The following NRXN1 variants were observed in gnomAD, a reference collection of about 807,000 sequenced individuals.
NRXN1 encodes the protein neurexin 1, also known as neurexin-1.
NRXN1 carries 39 observed loss-of-function variants against 150.9 expected under a neutral mutation model. The ratio of observed to expected loss-of-function variants is 0.26; its 90% confidence interval spans 0.20 to 0.34. NRXN1 has a LOEUF of 0.34. NRXN1 is among the 10% of genes least tolerant of loss of function. The pLI is 1.00. For synonymous variants in NRXN1, 924 were observed against 757.0 expected, an observed-to-expected ratio of 1.22 and a Z score of -3.62; for missense variants, 1,815 against 1,949.9, an observed-to-expected ratio of 0.93 and a Z score of 1.30.
chr2:50,978,266 T>TTATATA (rs1237092456), intron 2 of NRXN1, among the ~76,000 whole-genome samples: 2 of 33,912 alleles, frequency 5.9e-5, no homozygotes, highest in African/African-American at 8.5e-5. Context: ...AATATGGATA[T>TTATATA]TATACATATA....
chr2:50,495,380 GGTGTGTGT>G (rs1157611088), intron 15 of NRXN1, among the ~76,000 whole-genome samples: 8 of 17,784 alleles, frequency 4.5e-4, no homozygotes, highest in East Asian at 7.5e-4. Context: ...GTGTGTGTGT[GGTGTGTGT>G]GTGTGTGTGT....
At chr2:50,689,950 G>A (rs193185333) in intron 5 of NRXN1, among the ~76,000 whole-genome samples, 4 of 150,682 alleles carry the variant, frequency 2.7e-5, no homozygotes, top group African/African-American at 9.8e-5. Context: ...GCAATGGTGC[G>A]ATCTCGGCTC....
At chr2:50,998,565 C>T (rs1349217584) in intron 2 of NRXN1, among the ~76,000 whole-genome samples, 3 of 151,986 alleles carry the variant, frequency 2.0e-5, no homozygotes, top group Admixed American at 6.6e-5. Context: ...GTGGACACAA[C>T]ATACAGAAAT....
chr2:51,029,375 A>G (rs1053039397), intron 1 of NRXN1, among the ~76,000 whole-genome samples, 181 bp from the exon 2 acceptor site: 4 of 152,214 alleles, frequency 2.6e-5, no homozygotes, highest in African/African-American at 7.2e-5. Context: ...AATAGTTAAT[A>G]TGACACTTTT....
rs528149206 is a variant in NRXN1, at chr2:50,999,556, A to T, written c.772+27946T>A. Among the ~76,000 whole-genome samples the T allele has an allele frequency of 6.6e-5, 10 of 152,096 alleles. No homozygotes were observed. In the South Asian group the frequency reaches 2.1e-3, roughly 32 times the overall value. The stretch of plus-strand genomic sequence containing the variant: ...CATGTGATGTCTCCCCCAGGCACCC[A>T]GCTTTAAAATTTCTCTCTTTTGTAC... On this transcript the variant is annotated intron_variant, in intron 2 of 22. Coordinates refer to ENST00000401669, the MANE Select transcript of NRXN1 (RefSeq NM_001330078.2).
At chr2:50,727,191 T>G (rs995529649) in intron 5 of NRXN1, among the ~76,000 whole-genome samples, 2 of 152,182 alleles carry the variant, frequency 1.3e-5, no homozygotes, top group Non-Finnish European at 2.9e-5. Flanking sequence ...TAAAGAGATA[T>G]AATTCCTTAT....
At chr2:50,382,767 G>C (rs1179328237) in intron 17 of NRXN1, among the ~76,000 whole-genome samples, 1 of 152,154 alleles carries the variant, frequency 6.6e-6, no homozygotes, top group East Asian at 1.9e-4. Context: ...AGATTAGCGA[G>C]TGGGAAGACA....
intron 17 of NRXN1, among the ~76,000 whole-genome samples, chr2:50,239,684 A>G (rs1399281549): frequency 1.1e-5 from 1 of 94,612 alleles, no homozygotes; most frequent in African/African-American, 4.5e-5. Flanking sequence ...ATATATATAT[A>G]TATATATATA....
chr2:50,488,923 C>T (rs1004011016), intron 15 of NRXN1, among the ~76,000 whole-genome samples: 12 of 152,324 alleles, frequency 7.9e-5, no homozygotes, highest in African/African-American at 2.6e-4. Context: ...AAAGGCTCAT[C>T]TCTGGATGAC....
chr2:50,011,726 G>C (rs921452941), intron 21 of NRXN1, among the ~76,000 whole-genome samples: 1 of 151,974 alleles, frequency 6.6e-6, no homozygotes, highest in Non-Finnish European at 1.5e-5. Flanking sequence ...CCAAAATAAA[G>C]ACAATTCCAA....
At chr2:50,494,807 C>T (rs866124579) in intron 15 of NRXN1, among the ~76,000 whole-genome samples, 1 of 151,852 alleles carries the variant, frequency 6.6e-6, no homozygotes, top group South Asian at 2.1e-4. Flanking sequence ...CTGAGGCAGG[C>T]GGATCACCTG....
In NRXN1 at chr2:49,920,053, T is replaced by C. The variant is rs1361876815; in HGVS notation, c.*1891A>G. 1 of 152,192 alleles carries C rather than the reference T, an allele frequency of 6.6e-6. No homozygotes were observed. The highest frequency in any genetic ancestry group is 2.4e-5 in the African/African-American group (1 of 41,444). 9.4% of individuals were successfully genotyped at this position (152,192 alleles called of 1,614,324 possible). ...TTTTTCCTGAAACATCAACTTGCAA[T>C]GTAATAATGCATTTTTTGCACTACC... On this transcript the variant is annotated 3_prime_UTR_variant, in exon 23 of 23. Transcript: ENST00000401669.
chr2:50,117,660 A>C (rs755868389), intron 18 of NRXN1, among the ~76,000 whole-genome samples: 5 of 152,098 alleles, frequency 3.3e-5, no homozygotes. Flanking sequence ...AATCTTCTTT[A>C]GATAGTATTT....
chr2:50,505,594 C>T (rs576196597), intron 13 of NRXN1, among the ~76,000 whole-genome samples: 1 of 152,258 alleles, frequency 6.6e-6, no homozygotes, highest in East Asian at 1.9e-4. Context: ...ACTAATTGAA[C>T]TCCAATGATA....
At chr2:50,997,154 A>G (rs1390481144) in intron 2 of NRXN1, among the ~76,000 whole-genome samples, 1 of 152,060 alleles carries the variant, frequency 6.6e-6, no homozygotes, top group Non-Finnish European at 1.5e-5. Flanking sequence ...TGTGTAATCA[A>G]TCCACATTAT....
At chr2:50,823,399 C>T (rs1321357120) in intron 5 of NRXN1, among the ~76,000 whole-genome samples, 4 of 151,958 alleles carry the variant, frequency 2.6e-5, no homozygotes, top group Non-Finnish European at 5.9e-5. Context: ...AGTAACAATA[C>T]CTACCATCAT....
At chr2:50,672,732 T>A (rs1321834976) in intron 5 of NRXN1, among the ~76,000 whole-genome samples, 2 of 152,080 alleles carry the variant, frequency 1.3e-5, no homozygotes, top group Non-Finnish European at 2.9e-5. Context: ...TATACACATT[T>A]TATGATACTT....
intron 18 of NRXN1, among the ~76,000 whole-genome samples, chr2:50,130,828 A>G (rs1236480560): frequency 6.6e-6 from 1 of 152,226 alleles, no homozygotes; most frequent in Non-Finnish European, 1.5e-5. Context: ...TATATCCTCC[A>G]GGTGAAGACT....
chr2:50,183,587 G>C (rs1034744422), intron 18 of NRXN1, among the ~76,000 whole-genome samples: 2 of 151,094 alleles, frequency 1.3e-5, no homozygotes, highest in Admixed American at 1.3e-4. Flanking sequence ...AATATTTGTA[G>C]ACAGTGTTTC....
Sources: allele counts gnomAD v4.1 joint callset (sites outside exome capture counted in the v4.1 genomes callset), GRCh38; gene constraint gnomAD v4.1.1; transcripts MANE v1.5; gene names NCBI Gene and HGNC (gene_info 2026-07-23, HGNC 2026-07-21).